The following NOS1AP variants were observed in gnomAD, a reference collection of about 807,000 sequenced individuals.
The protein encoded by NOS1AP is nitric oxide synthase 1 adaptor protein, also known as carboxyl-terminal PDZ ligand of neuronal nitric oxide synthase protein.
In NOS1AP, 21 loss-of-function variants were observed where a neutral mutation model predicts 56.2. The ratio of observed to expected loss-of-function variants is 0.37; its 90% CI spans 0.26 to 0.54. The LOEUF is 0.54. NOS1AP is among the 20% of genes least tolerant of loss of function. The pLI is 0.84. For synonymous variants in NOS1AP, 270 were observed against 274.6 expected (o/e 0.98, Z 0.17); for missense variants, 522 against 657.8 (o/e 0.79, Z 2.26).
intron 2 of NOS1AP, among the ~76,000 whole-genome samples, chr1:162,256,208 A>G (rs181794070): frequency 6.1e-4 from 93 of 152,300 alleles, no homozygotes; most frequent in African/African-American, 2.2e-3. Flanking sequence ...CAGGGGACAG[A>G]TAGCATCCTC....
intron 8 of NOS1AP, among the ~76,000 whole-genome samples, chr1:162,362,444 CAAAA>C (rs11314295): frequency 7.4e-6 from 1 of 134,354 alleles, no homozygotes. Flanking sequence ...GAGTGAGTCT[CAAAA>C]AAAAAAAAAA....
At chr1:162,156,037 T>C (rs1053466349) in intron 2 of NOS1AP, among the ~76,000 whole-genome samples, 1 of 152,214 alleles carries the variant, frequency 6.6e-6, no homozygotes, top group South Asian at 2.1e-4. Context: ...GACAGCAACG[T>C]TGGGAAGAAA....
At chr1:162,124,670 C>T (rs957766531) in intron 1 of NOS1AP, among the ~76,000 whole-genome samples, 19 of 151,998 alleles carry the variant, frequency 1.3e-4, no homozygotes, top group African/African-American at 2.4e-4. Context: ...TACAGGCGCC[C>T]GCCAGCGCGC....
intron 2 of NOS1AP, among the ~76,000 whole-genome samples, chr1:162,278,919 G>A (rs1367384891): frequency 6.6e-6 from 1 of 152,114 alleles, no homozygotes; most frequent in African/African-American, 2.4e-5. Context: ...GTTGTTTAAT[G>A]TCTCTAGTCT....
At chr1:162,158,313 T>A (rs1650054684) in intron 2 of NOS1AP, among the ~76,000 whole-genome samples, 1 of 152,222 alleles carries the variant, frequency 6.6e-6, no homozygotes, top group Non-Finnish European at 1.5e-5. Flanking sequence ...TTGCAGTATG[T>A]GACAGGATTT....
At chr1:162,199,732 C>G (rs1165868546) in intron 2 of NOS1AP, among the ~76,000 whole-genome samples, 1 of 151,976 alleles carries the variant, frequency 6.6e-6, no homozygotes, top group Non-Finnish European at 1.5e-5. Context: ...TAGTCCTGTT[C>G]TGGGATACAA....
chr1:162,122,890 G>A (rs935901917), intron 1 of NOS1AP, among the ~76,000 whole-genome samples: 1 of 151,762 alleles, frequency 6.6e-6, no homozygotes, highest in African/African-American at 2.4e-5. Context: ...TCAAAATCTT[G>A]GTTCCTAATA....
At chr1:162,134,351 T>TGGAGGTGCATATGTAATTCCAGCTACTG (rs1247432835) in intron 1 of NOS1AP, among the ~76,000 whole-genome samples, 1 of 151,768 alleles carries the variant, frequency 6.6e-6, no homozygotes, top group Non-Finnish European at 1.5e-5. Flanking sequence ...ATTCCAGGTT[T>TGGAGGTGCATATGTAATTCCAGCTACTG]GGAGGTGCAT....
chr1:162,273,460 C>G (rs751132708), intron 2 of NOS1AP, among the ~76,000 whole-genome samples: 26 of 152,188 alleles, frequency 1.7e-4, no homozygotes, highest in Non-Finnish European at 3.5e-4. Flanking sequence ...CCACCGCGCC[C>G]GGCCGAAGCC....
At chr1:162,281,225 T>C (rs951907611) in intron 2 of NOS1AP, among the ~76,000 whole-genome samples, 5 of 152,222 alleles carry the variant, frequency 3.3e-5, no homozygotes, top group African/African-American at 1.2e-4. Context: ...GTTCTTAAAG[T>C]CCTTGCACTT....
chr1:162,164,118 G>A (rs552294408), intron 2 of NOS1AP, among the ~76,000 whole-genome samples: 8 of 152,276 alleles, frequency 5.3e-5, no homozygotes, highest in African/African-American at 1.7e-4. Context: ...GAGTTTCCAC[G>A]GGAGGATTTG....
At chr1:162,190,099 A>AT (rs1197518666) in intron 2 of NOS1AP, among the ~76,000 whole-genome samples, 3 of 152,150 alleles carry the variant, frequency 2.0e-5, no homozygotes, top group Non-Finnish European at 4.4e-5. Flanking sequence ...GCCAAGTGAG[A>AT]TTTTGTGGAG....
intron 2 of NOS1AP, among the ~76,000 whole-genome samples, chr1:162,256,183 A>G (rs897861293): frequency 1.3e-5 from 2 of 152,094 alleles, no homozygotes; most frequent in African/African-American, 4.8e-5. Context: ...CTAAATTGGA[A>G]TAGAGGTAAG....
chr1:162,309,551 GCTTTTGTAAAGACTTGGAAATAAA>G (rs1655958371), intron 4 of NOS1AP, among the ~76,000 whole-genome samples: 1 of 152,178 alleles, frequency 6.6e-6, no homozygotes, highest in Non-Finnish European at 1.5e-5. Context: ...ATCCTGGGCA[GCTTTTGTAAAGACTTGGAAATAAA>G]CAAAAAGGGC....
intron 2 of NOS1AP, among the ~76,000 whole-genome samples, chr1:162,182,814 G>A (rs555562610): frequency 6.6e-4 from 100 of 152,158 alleles, no homozygotes; most frequent in African/African-American, 2.1e-3. Flanking sequence ...ACTTCTCATC[G>A]TAGTTCTCTT....
At chr1:162,313,501 C>T (rs1315537890) in intron 4 of NOS1AP, among the ~76,000 whole-genome samples, 1 of 152,170 alleles carries the variant, frequency 6.6e-6, no homozygotes, top group Non-Finnish European at 1.5e-5. Flanking sequence ...TCTATACTTG[C>T]AGTCTTCCCA....
intron 9 of NOS1AP, among the ~76,000 whole-genome samples, chr1:162,365,781 C>T (rs775459239): frequency 6.6e-6 from 1 of 152,084 alleles, no homozygotes; most frequent in Non-Finnish European, 1.5e-5. Context: ...CTAATCCAGG[C>T]CCAGGGCTGG....
rs1218347698 is a variant in NOS1AP at position 162,081,755 on chromosome 1, G to GATACATATAT, written c.105+11476_105+11477insCATATATATA. Among the ~76,000 whole-genome samples the GATACATATAT allele has an allele frequency of 7.8e-4, 56 of 71,570 alleles. 4 individuals carry two copies. Among genetic ancestry groups the GATACATATAT allele is most frequent in the African/African-American group, 2.8e-3 (55 of 19,776 alleles). 47.0% of individuals were successfully genotyped at this position (71,570 alleles called of 152,430 possible). A position where few individuals can be genotyped will look rare whatever the true frequency, so the allele number is the denominator to read the frequency against. On this transcript the variant is annotated intron_variant, in intron 1 of 9. Coordinates refer to ENST00000361897, the MANE Select transcript of NOS1AP (RefSeq NM_014697.3). ...CTATATATCTATATCTATATCTATA[G>GATACATATAT]ATATATATATATATATATATTTTTT... is the stretch of plus-strand genomic sequence containing the variant.
chr1:162,300,730 A>G, intron 4 of NOS1AP, 24 bp downstream of exon 4: 1 of 1,609,648 alleles, frequency 6.2e-7, no homozygotes, highest in Non-Finnish European at 8.5e-7. Context: ...CCAGCACCCA[A>G]GATATCACTG....
Sources: allele counts gnomAD v4.1 joint callset (sites outside exome capture counted in the v4.1 genomes callset), GRCh38; gene constraint gnomAD v4.1.1; transcripts MANE v1.5; gene names NCBI Gene and HGNC (gene_info 2026-07-23, HGNC 2026-07-21).